Variants in BCAS1 observed in about 807,000 individuals in gnomAD.
The protein encoded by BCAS1 is breast carcinoma-amplified sequence 1.
A neutral mutation model predicts 65.4 loss-of-function variants in BCAS1; 46 were observed. The observed-to-expected ratio is 0.70, with a 90% confidence interval of 0.55 to 0.90. BCAS1 has a LOEUF of 0.90. BCAS1 is among the 40% of genes least tolerant of loss of function. The probability of loss-of-function intolerance (pLI) is 0.00; values close to 1 mark genes in which losing one functional copy is unlikely to be tolerated. For synonymous variants in BCAS1, 298 were observed against 293.5 expected (o/e 1.02, Z -0.16); for missense variants, 793 against 771.2 (o/e 1.03, Z -0.33).
At chr20:53,967,237 T>C (rs562503398) in intron 9 of BCAS1, among the ~76,000 whole-genome samples, 164 bp from the exon 10 acceptor site, 2 of 152,372 alleles carry the variant, frequency 1.3e-5, no homozygotes, top group East Asian at 3.9e-4. Flanking sequence ...AATGCTTATG[T>C]TGTACAACGC....
intron 10 of BCAS1, among the ~76,000 whole-genome samples, chr20:53,962,546 A>T (rs1195033958): frequency 1.3e-5 from 2 of 152,208 alleles, no homozygotes; most frequent in Non-Finnish European, 2.9e-5. Flanking sequence ...TTCTGGTTTC[A>T]TTTGCCTACC....
intron 3 of BCAS1, among the ~76,000 whole-genome samples, chr20:54,048,726 C>T (rs951210629): frequency 6.6e-6 from 1 of 152,218 alleles, no homozygotes; most frequent in African/African-American, 2.4e-5. Context: ...ATTTACTTAT[C>T]CAGGGTTGCA....
intron 12 of BCAS1, among the ~76,000 whole-genome samples, chr20:53,945,770 ATTATT>A (rs1476296197): frequency 6.6e-6 from 1 of 152,130 alleles, no homozygotes; most frequent in African/African-American, 2.4e-5. Flanking sequence ...GGCAGATACA[ATTATT>A]TTATTTTATT....
chr20:53,976,109 C>T (rs889538552), intron 8 of BCAS1, among the ~76,000 whole-genome samples: 4 of 152,218 alleles, frequency 2.6e-5, no homozygotes, highest in Non-Finnish European at 1.5e-5. Flanking sequence ...CTGGCATATA[C>T]AGTCCTGCCC....
intron 3 of BCAS1, among the ~76,000 whole-genome samples, chr20:54,046,518 G>T (rs561302855): frequency 1.9e-4 from 22 of 114,300 alleles, no homozygotes; most frequent in South Asian, 9.0e-4. Flanking sequence ...GACAGCGCGA[G>T]ACTCCATCTC....
At chr20:53,956,477 C>T (rs538233813) in intron 11 of BCAS1, among the ~76,000 whole-genome samples, 9 of 152,210 alleles carry the variant, frequency 5.9e-5, no homozygotes, top group South Asian at 2.1e-4. Flanking sequence ...TATGGCAGCC[C>T]GTGCTGACTA....
intron 3 of BCAS1, among the ~76,000 whole-genome samples, chr20:54,031,491 C>G (rs1465156582): frequency 6.6e-6 from 1 of 151,244 alleles, no homozygotes; most frequent in Non-Finnish European, 1.5e-5. Context: ...TTCCTTTGCT[C>G]AGATGCTCAC....
At chr20:53,985,256 C>T (rs759755561) in intron 8 of BCAS1, 31 bp downstream of exon 8, 77 of 1,599,752 alleles carry the variant, frequency 4.8e-5, no homozygotes, top group Non-Finnish European at 6.2e-5. Flanking sequence ...CCCGCCCGGA[C>T]GACTCTCTAA....
At chr20:53,987,784 C>T (rs547375147) in intron 7 of BCAS1, among the ~76,000 whole-genome samples, 3 of 152,256 alleles carry the variant, frequency 2.0e-5, no homozygotes, top group Non-Finnish European at 4.4e-5. Flanking sequence ...GGGAAGACTT[C>T]ACTGAGAAAA....
chr20:53,958,516 C>T (rs2089774257), intron 10 of BCAS1, among the ~76,000 whole-genome samples: 1 of 152,166 alleles, frequency 6.6e-6, no homozygotes, highest in African/African-American at 2.4e-5. Context: ...TCTTAGCAGA[C>T]CGTAAGAATC....
intron 10 of BCAS1, among the ~76,000 whole-genome samples, chr20:53,965,235 A>C (rs1435370302): frequency 6.6e-6 from 1 of 152,232 alleles, no homozygotes; most frequent in Non-Finnish European, 1.5e-5. Flanking sequence ...ACAATTTCTA[A>C]CATAATTATT....
intron 7 of BCAS1, among the ~76,000 whole-genome samples, chr20:53,988,983 C>T (rs894172588): frequency 2.6e-5 from 4 of 152,150 alleles, no homozygotes; most frequent in African/African-American, 4.8e-5. Context: ...TCTATACCAC[C>T]GTTCTCAACA....
intron 3 of BCAS1, among the ~76,000 whole-genome samples, chr20:54,056,363 C>T (rs550836234): frequency 6.6e-6 from 1 of 152,042 alleles, no homozygotes; most frequent in East Asian, 1.9e-4. Context: ...GGACAGAAAC[C>T]AAATACTGCA....
At chr20:53,969,200 A>C (rs569973374) in intron 9 of BCAS1, among the ~76,000 whole-genome samples, 5 of 148,656 alleles carry the variant, frequency 3.4e-5, no homozygotes, top group Admixed American at 3.3e-4. Context: ...AATTGCATAC[A>C]CATCAGAAAG....
intron 3 of BCAS1, among the ~76,000 whole-genome samples, chr20:54,051,804 C>A (rs1212049905): frequency 6.6e-6 from 1 of 151,862 alleles, no homozygotes; most frequent in African/African-American, 2.4e-5. Flanking sequence ...GTGGCACGAT[C>A]TTGGCTCACT....
chr20:54,053,280 A>G (rs1317746458), intron 3 of BCAS1, among the ~76,000 whole-genome samples: 2 of 152,214 alleles, frequency 1.3e-5, no homozygotes, highest in Non-Finnish European at 2.9e-5. Context: ...AAGATCTCCA[A>G]TCCACATGGA....
chr20:54,011,591 A>G (rs984395350), intron 4 of BCAS1, among the ~76,000 whole-genome samples: 5 of 152,252 alleles, frequency 3.3e-5, no homozygotes, highest in African/African-American at 1.2e-4. Flanking sequence ...TGACTATTAA[A>G]TGCTGGGAAG....
In BCAS1 at chr20:54,026,955, T is replaced by C. The variant is rs117744509; in HGVS notation, c.723+1437A>G. Among the ~76,000 whole-genome samples, 661 of 152,324 alleles carry C rather than the reference T, an allele frequency of 4.3e-3. 2 individuals carry two copies. The highest frequency in any genetic ancestry group is 5.8e-3 in the Non-Finnish European group (395 of 68,030). ...CAGCAAACTCCACCAGGGCCGAGAC[T>C]CTGTGTCTCGCCCTTCACTGTGGTC... On this transcript the variant is annotated intron_variant, in intron 4 of 12. Transcript: ENST00000688948.
chr20:54,013,260 G>C (rs1299490127), intron 4 of BCAS1, among the ~76,000 whole-genome samples: 2 of 151,906 alleles, frequency 1.3e-5, no homozygotes, highest in Non-Finnish European at 2.9e-5. Flanking sequence ...AAATTAACTT[G>C]GTGTCACAAC....
Sources: gnomAD v4.1 joint callset for allele counts (sites outside exome capture counted in the v4.1 genomes callset) on GRCh38, gnomAD v4.1.1 for gene constraint, MANE v1.5 for transcripts, NCBI Gene and HGNC (gene_info 2026-07-23, HGNC 2026-07-21) for gene names.